GRIK1: variants seen among roughly 807,000 people sequenced by gnomAD.
GRIK1 encodes the protein glutamate receptor ionotropic, kainate 1.
Under a neutral mutation model 105.7 loss-of-function variants are expected in GRIK1, and 69 were observed. The ratio of observed to expected loss-of-function variants is 0.65; its 90% CI spans 0.54 to 0.80. The LOEUF is 0.80. GRIK1 is among the 30% of genes least tolerant of loss of function. GRIK1 has a pLI of 0.00. For synonymous variants in GRIK1, 438 were observed against 431.3 expected (o/e 1.02, Z -0.19); for missense variants, 1,109 against 1,167.3 (o/e 0.95, Z 0.73).
chr21:29,866,858 A>G (rs2068820084), intron 1 of GRIK1, among the ~76,000 whole-genome samples: 1 of 152,230 alleles, frequency 6.6e-6, no homozygotes, highest in Non-Finnish European at 1.5e-5. Flanking sequence ...TATATAGAGT[A>G]GAGAAAAACA....
chr21:29,873,338 G>C (rs1368522323), intron 1 of GRIK1, among the ~76,000 whole-genome samples: 1 of 152,194 alleles, frequency 6.6e-6, no homozygotes, highest in Non-Finnish European at 1.5e-5. Flanking sequence ...CCACATAAAA[G>C]TAATTGGGCA....
chr21:29,625,093 A>G (rs774895231), intron 7 of GRIK1, among the ~76,000 whole-genome samples: 18 of 152,222 alleles, frequency 1.2e-4, no homozygotes, highest in Non-Finnish European at 2.6e-4. Flanking sequence ...GTGTCTATTA[A>G]TATCTTCCGT....
chr21:29,759,364 C>T (rs1017496640), intron 1 of GRIK1, among the ~76,000 whole-genome samples: 1 of 152,042 alleles, frequency 6.6e-6, no homozygotes, highest in Non-Finnish European at 1.5e-5. Context: ...GTGATCCGCC[C>T]GCCTCGGCCT....
intron 7 of GRIK1, among the ~76,000 whole-genome samples, chr21:29,623,365 C>T (rs890563270): frequency 1.3e-5 from 2 of 151,830 alleles, no homozygotes; most frequent in East Asian, 1.9e-4. Context: ...AACTATAATT[C>T]GAGATTTGGG....
intron 5 of GRIK1, among the ~76,000 whole-genome samples, chr21:29,653,078 C>A (rs363575): frequency 4.0e-5 from 6 of 151,834 alleles, no homozygotes; most frequent in Non-Finnish European, 7.4e-5. Flanking sequence ...TACTCATGGG[C>A]AAGAATGGTA....
At chr21:29,931,629 C>A (rs748516814) in intron 1 of GRIK1, among the ~76,000 whole-genome samples, 9 of 152,116 alleles carry the variant, frequency 5.9e-5, no homozygotes, top group Non-Finnish European at 1.0e-4. Context: ...CTATAAGATC[C>A]TCCAGAATCA....
intron 1 of GRIK1, among the ~76,000 whole-genome samples, chr21:29,743,112 G>C (rs368660500): frequency 6.6e-6 from 1 of 151,806 alleles, no homozygotes; most frequent in South Asian, 2.1e-4. Context: ...TAGGGGTAAA[G>C]TATCAGAATT....
intron 1 of GRIK1, among the ~76,000 whole-genome samples, chr21:29,903,078 T>C (rs2070469460): frequency 6.6e-6 from 1 of 152,186 alleles, no homozygotes; most frequent in Non-Finnish European, 1.5e-5. Flanking sequence ...TGGCTAGCCA[T>C]ATGCAGAAAA....
chr21:29,749,570 G>A (rs149875661), intron 1 of GRIK1, among the ~76,000 whole-genome samples: 79 of 152,306 alleles, frequency 5.2e-4, no homozygotes, highest in African/African-American at 1.9e-3. Flanking sequence ...ATCCCAAGCT[G>A]CCTCCTCTTC....
At chr21:29,690,026 G>T in intron 2 of GRIK1, 41 bp from the exon 3 acceptor site, 2 of 1,463,664 alleles carry the variant, frequency 1.4e-6, no homozygotes, top group Non-Finnish European at 1.9e-6. Flanking sequence ...AGGGAGGGCA[G>T]GGAAAGGGGG....
At chr21:29,579,402 A>G (rs6516920) in intron 13 of GRIK1, among the ~76,000 whole-genome samples, 1 of 152,180 alleles carries the variant, frequency 6.6e-6, no homozygotes, top group African/African-American at 2.4e-5. Flanking sequence ...TGAGTAAAAC[A>G]TTACTAGAAA....
intron 1 of GRIK1, among the ~76,000 whole-genome samples, chr21:29,846,469 GA>G (rs1157264316): frequency 6.2e-5 from 3 of 48,322 alleles, no homozygotes; most frequent in African/African-American, 1.2e-4. Context: ...GAGAGAGAAA[GA>G]AAGAAAGAAA....
chr21:29,899,548 T>A (rs115830675), intron 1 of GRIK1, among the ~76,000 whole-genome samples: 33,527 of 151,964 alleles, frequency 0.22, 4,204 homozygotes, highest in African/African-American at 0.34. Flanking sequence ...TACCTTTTTT[T>A]TTTTTTGGTA....
intron 7 of GRIK1, among the ~76,000 whole-genome samples, chr21:29,621,898 A>T (rs1468710227): frequency 1.3e-5 from 2 of 152,174 alleles, no homozygotes; most frequent in African/African-American, 4.8e-5. Context: ...AGGCAAATCA[A>T]TTATTTATAA....
chr21:29,824,241 A>T (rs960340481), intron 1 of GRIK1, among the ~76,000 whole-genome samples: 1 of 152,034 alleles, frequency 6.6e-6, no homozygotes, highest in East Asian at 1.9e-4. Context: ...TTATTTATAT[A>T]CTTTTATTCC....
intron 1 of GRIK1, among the ~76,000 whole-genome samples, chr21:29,740,739 T>G (rs901264135): frequency 1.3e-5 from 2 of 152,180 alleles, no homozygotes; most frequent in Non-Finnish European, 2.9e-5. Flanking sequence ...TAGGAAAATA[T>G]TTGAAAGTGC....
intron 1 of GRIK1, among the ~76,000 whole-genome samples, chr21:29,780,069 G>A (rs557208151): frequency 1.3e-5 from 2 of 152,204 alleles, no homozygotes; most frequent in South Asian, 2.1e-4. Flanking sequence ...TCTGTAGAAC[G>A]GGGCTAATTA....
chr21:29,639,419 C>T (rs1020815564), intron 7 of GRIK1, among the ~76,000 whole-genome samples: 1 of 152,140 alleles, frequency 6.6e-6, no homozygotes, highest in Non-Finnish European at 1.5e-5. Flanking sequence ...GAGTCAGGGT[C>T]CTGCAGATAG....
intron 7 of GRIK1, among the ~76,000 whole-genome samples, chr21:29,623,732 A>G (rs1048189508): frequency 1.3e-5 from 2 of 152,240 alleles, no homozygotes; most frequent in African/African-American, 4.8e-5. Flanking sequence ...ACTGAAATAA[A>G]TAAAATAGAA....
Sources: gnomAD v4.1 joint callset for allele counts (sites outside exome capture counted in the v4.1 genomes callset) on GRCh38, gnomAD v4.1.1 for gene constraint, MANE v1.5 for transcripts, NCBI Gene and HGNC (gene_info 2026-07-23, HGNC 2026-07-21) for gene names.